QTMAN: variants seen among roughly 807,000 people sequenced by gnomAD.
QTMAN encodes the protein queuosine-tRNA mannosyltransferase.
chr2:143,959,931 C>T, the QTMAN span, among the ~76,000 whole-genome samples: 2 of 151,778 alleles, frequency 1.3e-5, no homozygotes, highest in Non-Finnish European at 2.9e-5. Flanking sequence ...ACAATTGTGG[C>T]TAATGGTTGT....
At chr2:144,206,002 G>T in the QTMAN span, among the ~76,000 whole-genome samples, 1 of 152,302 alleles carries the variant, frequency 6.6e-6, no homozygotes, top group Non-Finnish European at 1.5e-5. Flanking sequence ...GCTCTAACAT[G>T]AATCATGATA....
the QTMAN span, among the ~76,000 whole-genome samples, chr2:144,122,446 T>A: frequency 1.3e-5 from 2 of 151,988 alleles, no homozygotes; most frequent in Non-Finnish European, 2.9e-5. Context: ...GCAGCTGGAG[T>A]CAAGAAAAAA....
the QTMAN span, among the ~76,000 whole-genome samples, chr2:144,087,464 A>AAG: frequency 6.6e-6 from 1 of 152,126 alleles, no homozygotes; most frequent in Non-Finnish European, 1.5e-5. Flanking sequence ...CTATGAGGCC[A>AAG]GCATCCCCAT....
the QTMAN span, among the ~76,000 whole-genome samples, chr2:144,127,566 G>C: frequency 2.6e-5 from 4 of 152,122 alleles, no homozygotes; most frequent in African/African-American, 9.6e-5. Flanking sequence ...CAAAGCATCA[G>C]AAATTGAGGT....
At chr2:144,202,123 CAAG>C in the QTMAN span, among the ~76,000 whole-genome samples, 1 of 152,044 alleles carries the variant, frequency 6.6e-6, no homozygotes, top group Non-Finnish European at 1.5e-5. Context: ...GAAAGATGAA[CAAG>C]AATTAGTCAT....
the QTMAN span, among the ~76,000 whole-genome samples, chr2:144,268,915 G>A: frequency 2.6e-5 from 4 of 151,918 alleles, no homozygotes; most frequent in East Asian, 1.9e-4. Context: ...CCAGCCTCCC[G>A]AGTAGCTGGG....
At chr2:143,952,829 T>C in the QTMAN span, 24 of 1,606,798 alleles carry the variant, frequency 1.5e-5, no homozygotes, top group East Asian at 5.4e-4. Flanking sequence ...ACACCCACAG[T>C]ACACAGCTTC....
At chr2:143,982,885 T>C in the QTMAN span, among the ~76,000 whole-genome samples, 1 of 142,620 alleles carries the variant, frequency 7.0e-6, no homozygotes, top group Non-Finnish European at 1.5e-5. Flanking sequence ...GAATAGATAA[T>C]AATAGATAAT....
At chr2:144,052,075 C>T in the QTMAN span, among the ~76,000 whole-genome samples, 4 of 152,030 alleles carry the variant, frequency 2.6e-5, no homozygotes, top group Non-Finnish European at 4.4e-5. Context: ...GTCTTGTTCA[C>T]TGCTGTAACT....
the QTMAN span, among the ~76,000 whole-genome samples, chr2:144,052,120 C>G: frequency 7.2e-5 from 11 of 151,842 alleles, no homozygotes; most frequent in Non-Finnish European, 1.2e-4. Context: ...ATTGTAGGCC[C>G]CCAGTAAAGG....
the QTMAN span, among the ~76,000 whole-genome samples, chr2:144,079,904 A>G: frequency 2.0e-5 from 3 of 152,118 alleles, no homozygotes; most frequent in South Asian, 6.2e-4. Flanking sequence ...ACTTTACATT[A>G]TTGGAATGTT....
At chr2:144,030,928 A>G in the QTMAN span, among the ~76,000 whole-genome samples, 1 of 152,172 alleles carries the variant, frequency 6.6e-6, no homozygotes, top group Non-Finnish European at 1.5e-5. Flanking sequence ...GCTGTAGCCA[A>G]GCTAAGAGGC....
the QTMAN span, among the ~76,000 whole-genome samples, chr2:144,264,192 C>T: frequency 2.6e-5 from 4 of 151,926 alleles, no homozygotes; most frequent in Non-Finnish European, 4.4e-5. Context: ...TCCTAAGGGT[C>T]CACTGAGAGC....
the QTMAN span, among the ~76,000 whole-genome samples, chr2:144,021,030 T>C: frequency 1.3e-5 from 2 of 148,252 alleles, no homozygotes; most frequent in African/African-American, 2.5e-5. Flanking sequence ...ATAAGGTCAA[T>C]TTAGGAGTTG....
chr2:144,305,016 A>T, the QTMAN span, among the ~76,000 whole-genome samples: 1 of 152,232 alleles, frequency 6.6e-6, no homozygotes, highest in Non-Finnish European at 1.5e-5. Context: ...TCACAAATAT[A>T]ACTGACAAAT....
chr2:144,133,278 T>C, the QTMAN span, among the ~76,000 whole-genome samples: 1 of 71,338 alleles, frequency 1.4e-5, no homozygotes, highest in Non-Finnish European at 2.5e-5. Flanking sequence ...TATATATTTA[T>C]ATATACATAT....
the QTMAN span, among the ~76,000 whole-genome samples, chr2:144,281,391 A>C: frequency 9.0e-6 from 1 of 111,596 alleles, no homozygotes; most frequent in Admixed American, 1.0e-4. Flanking sequence ...CAGCATTGTT[A>C]TAGCAAAAAA....
At chr2:144,238,168 C>T in the QTMAN span, among the ~76,000 whole-genome samples, 5 of 152,188 alleles carry the variant, frequency 3.3e-5, no homozygotes, top group African/African-American at 1.2e-4. Flanking sequence ...TCTTGCATCA[C>T]GCCTTCCACA....
chr2:144,071,218 T>C, the QTMAN span, among the ~76,000 whole-genome samples: 4 of 150,968 alleles, frequency 2.6e-5, no homozygotes, highest in Admixed American at 6.6e-5. Flanking sequence ...TCTTACTCCA[T>C]TGGAATAAAT....
Sources: gnomAD v4.1 joint callset for allele counts (sites outside exome capture counted in the v4.1 genomes callset) on GRCh38, gnomAD v4.1.1 for gene constraint, MANE v1.5 for transcripts, NCBI Gene and HGNC (gene_info 2026-07-23, HGNC 2026-07-21) for gene names.